CD44: variants seen among roughly 807,000 people sequenced by gnomAD.
CD44 encodes CD44 molecule (IN blood group), also known as CD44 antigen.
A neutral mutation model predicts 88.8 loss-of-function variants in CD44; 49 were observed. The ratio of observed to expected loss-of-function variants is 0.55; its 90% CI spans 0.44 to 0.70. CD44 has a LOEUF of 0.70. CD44 is among the 30% of genes least tolerant of loss of function. The pLI, the probability that CD44 is intolerant of heterozygous loss-of-function variation, is 0.00. For synonymous variants in CD44, 325 were observed against 312.3 expected, an observed-to-expected ratio of 1.04 and a Z score of -0.43; for missense variants, 883 against 913.8, an observed-to-expected ratio of 0.97 and a Z score of 0.43.
At position 35,141,018 on chromosome 11, in the gene CD44, T is replaced by TA. The variant is rs113414805; in HGVS notation, c.67+1661dup. On this transcript the variant is annotated intron_variant, in intron 1 of 17. Coordinates refer to ENST00000428726, the MANE Select transcript of CD44 (RefSeq NM_000610.4). ...CCTGGGTGACAAAGCGTGACTCTGT[T>TA]AAAAAAAAAAAAATGAATACAGTGC... Among the ~76,000 whole-genome samples, 1,237 of 144,242 alleles carry TA rather than the reference T, an allele frequency of 8.6e-3. 6 individuals carry two copies. The highest frequency in any genetic ancestry group is 0.025 in the African/African-American group (971 of 39,550). The allele number at this position is 144,242 out of a possible 152,430, so 94.6% of individuals were successfully genotyped here.
chr11:35,162,774 T>A (rs1942788455), intron 1 of CD44, among the ~76,000 whole-genome samples: 2 of 151,962 alleles, frequency 1.3e-5, no homozygotes, highest in Admixed American at 1.3e-4. Flanking sequence ...CTTGGGAAAG[T>A]TTGTGTAACT....
intron 1 of CD44, among the ~76,000 whole-genome samples, chr11:35,149,138 G>A (rs1590895291): frequency 6.6e-6 from 1 of 152,178 alleles, no homozygotes; most frequent in African/African-American, 2.4e-5. Flanking sequence ...CTGGCCTCAT[G>A]TATAAAAAGA....
In CD44 at chr11:35,223,419, T is replaced by C. The variant is rs140364084; in HGVS notation, c.2024+1687T>C. On this transcript the variant is annotated intron_variant, in intron 17 of 17. Transcript: ENST00000428726. ...TTTGCACATGTCACCATAGAAACGC[T>C]GGCATGGATGCTGTCGACATTTAGG... 1.8e-3 allele frequency: 626 copies of C among 342,950 alleles called. 2 individuals are homozygous for C. The highest frequency in any genetic ancestry group is 0.013 in the African/African-American group (600 of 44,948). 21.2% of individuals were successfully genotyped at this position (342,950 alleles called of 1,614,324 possible). A position where few individuals can be genotyped will look rare whatever the true frequency, so the allele number is the denominator to read the frequency against.
At chr11:35,226,828 A>G in intron 17 of CD44, among the ~76,000 whole-genome samples, 1 of 150,856 alleles carries the variant, frequency 6.6e-6, no homozygotes, top group Middle Eastern at 3.5e-3. Context: ...GTCACATAGC[A>G]GTAAGTTCTC....
At chr11:35,195,092 G>A (rs540412055) in intron 5 of CD44, among the ~76,000 whole-genome samples, 2 of 152,224 alleles carry the variant, frequency 1.3e-5, no homozygotes, top group Admixed American at 1.3e-4. Flanking sequence ...CTCCCTGGGT[G>A]TGTGGCTCTT....
chr11:35,229,325 G>T lies in CD44; in HGVS notation c.2221G>T (p.Gly741Trp), dbSNP rs754553244. 6.2e-7 allele frequency: 1 copy of T among 1,605,448 alleles called. No homozygotes were observed. The highest frequency in any genetic ancestry group is 1.7e-5 in the Admixed American group (1 of 60,000). The change falls in exon 18 of 18, where the codon GGG (glycine) becomes TGG (tryptophan). Residue 741 changes from glycine (G) to tryptophan (W), a missense_variant. Transcript: ENST00000428726. Reference sequence around the variant, plus strand: ...CCTGCAGAATGTGGACATGAAGATTGGGGTGTAACACCTACACCATTATCT... The same window carrying T: ...CCTGCAGAATGTGGACATGAAGATTTGGGTGTAACACCTACACCATTATCT... ...RNLQNVDMKI[G>W]V is the part of the protein sequence containing the mutation.
intron 1 of CD44, chr11:35,139,705 C>G (rs1297223993): frequency 1.8e-6 from 1 of 556,256 alleles, no homozygotes; most frequent in Non-Finnish European, 3.4e-6. Context: ...TCTGGACTAA[C>G]AGGCTCCTGT....
intron 3 of CD44, among the ~76,000 whole-genome samples, chr11:35,180,829 G>T (rs191753922): frequency 3.3e-5 from 5 of 152,280 alleles, no homozygotes; most frequent in Admixed American, 2.0e-4. Flanking sequence ...CCTGTGAGCC[G>T]CAGGTTGGAC....
intron 3 of CD44, among the ~76,000 whole-genome samples, chr11:35,183,087 G>A (rs574993634): frequency 1.3e-5 from 2 of 152,148 alleles, no homozygotes; most frequent in Non-Finnish European, 2.9e-5. Context: ...GAGAAGTACA[G>A]GGGGTATGTT....
At chr11:35,166,995 G>A (rs529622782) in intron 1 of CD44, among the ~76,000 whole-genome samples, 1 of 152,344 alleles carries the variant, frequency 6.6e-6, no homozygotes, top group South Asian at 2.1e-4. Flanking sequence ...ATGGGGGCGA[G>A]TGATGTGCCA....
intron 1 of CD44, among the ~76,000 whole-genome samples, chr11:35,145,451 T>C (rs1489101005): frequency 6.6e-6 from 1 of 151,996 alleles, no homozygotes; most frequent in East Asian, 1.9e-4. Context: ...AGGCCTCATG[T>C]TTGGTCTACC....
At chr11:35,146,250 ACTTTCAGGT>A (rs1398070585) in intron 1 of CD44, among the ~76,000 whole-genome samples, 1 of 152,160 alleles carries the variant, frequency 6.6e-6, no homozygotes, top group African/African-American at 2.4e-5. Flanking sequence ...GGTCCCAGAA[ACTTTCAGGT>A]CTTCAGCTTT....
intron 1 of CD44, among the ~76,000 whole-genome samples, chr11:35,161,009 C>G (rs1942527184): frequency 6.6e-6 from 1 of 152,180 alleles, no homozygotes; most frequent in Non-Finnish European, 1.5e-5. Context: ...GATAATTAGG[C>G]TTCTGGCTCC....
chr11:35,185,232 G>A (rs1051673175), intron 3 of CD44, among the ~76,000 whole-genome samples: 7 of 152,190 alleles, frequency 4.6e-5, no homozygotes, highest in Non-Finnish European at 1.0e-4. Context: ...GAATGGCCTC[G>A]CCAAGGAGGT....
In CD44 at chr11:35,209,539, C is replaced by T. The variant is rs1015408349; in HGVS notation, c.1517-426C>T. ...CTAGACTACAGGCTATCATAGTGTTCATTTTCCCTGCCGTCACATTTCTTG... is the reference window on the plus strand; with the variant it reads ...CTAGACTACAGGCTATCATAGTGTTTATTTTCCCTGCCGTCACATTTCTTG... On this transcript the variant is annotated intron_variant, in intron 12 of 17. Coordinates refer to ENST00000428726, the MANE Select transcript of CD44 (RefSeq NM_000610.4). Among the ~76,000 whole-genome samples the T allele has an allele frequency of 3.3e-5, 5 of 152,102 alleles. No individual in the cohort carries two copies. In the South Asian group the frequency reaches 1.0e-3, roughly 31 times the overall value.
rs575885784 is a variant in CD44, at chr11:35,143,606, T to C, written c.67+4236T>C. Among the ~76,000 whole-genome samples the C allele has an allele frequency of 1.6e-4, 24 of 152,166 alleles. No homozygotes were observed. The South Asian group carries it at 4.8e-3, about 30-fold the overall frequency. Reference sequence around the variant, plus strand: ...CAATTCATTACGTGTCTGGAGGACTTTGGAAGCTATACGTGGCTCTCCCAC... The same window carrying C: ...CAATTCATTACGTGTCTGGAGGACTCTGGAAGCTATACGTGGCTCTCCCAC... On this transcript the variant is annotated intron_variant, in intron 1 of 17. Coordinates refer to ENST00000428726, the MANE Select transcript of CD44 (RefSeq NM_000610.4).
At chr11:35,175,423 A>G (rs1286422971) in intron 1 of CD44, among the ~76,000 whole-genome samples, 3 of 152,242 alleles carry the variant, frequency 2.0e-5, no homozygotes, top group African/African-American at 7.2e-5. Context: ...TACCATTTCA[A>G]TTATGCAAGC....
chr11:35,228,290 T>C (rs1405705744), intron 17 of CD44, among the ~76,000 whole-genome samples: 1 of 152,218 alleles, frequency 6.6e-6, no homozygotes, highest in Non-Finnish European at 1.5e-5. Flanking sequence ...TTGTCTTATG[T>C]TATTAAACTT....
intron 13 of CD44, 107 bp downstream of exon 13, chr11:35,210,161 A>G (rs563615048): frequency 4.4e-5 from 27 of 616,038 alleles, no homozygotes; most frequent in Non-Finnish European, 6.9e-5. Flanking sequence ...CTGCCGTTAC[A>G]CTGTTACTTT....
Sources: gnomAD v4.1 joint callset for allele counts (sites outside exome capture counted in the v4.1 genomes callset) on GRCh38, gnomAD v4.1.1 for gene constraint, MANE v1.5 for transcripts, NCBI Gene and HGNC (gene_info 2026-07-23, HGNC 2026-07-21) for gene names.